The following AATF variants were observed in gnomAD, a reference collection of about 807,000 sequenced individuals.
The protein encoded by AATF is protein AATF.
AATF carries 48 observed loss-of-function variants against 63.7 expected under a neutral mutation model. The observed-to-expected ratio is 0.75, with a 90% CI of 0.60 to 0.96. The LOEUF (loss-of-function observed/expected upper bound fraction) is 0.96. AATF is among the 40% of genes least tolerant of loss of function. The probability of loss-of-function intolerance (pLI) is 0.00; values close to 1 mark genes in which losing one functional copy is unlikely to be tolerated. For synonymous variants in AATF, 258 were observed against 247.7 expected, an observed-to-expected ratio of 1.04 and a Z score of -0.39; for missense variants, 639 against 685.7, an observed-to-expected ratio of 0.93 and a Z score of 0.76.
chr17:37,000,312 C>A (rs2071284359), intron 8 of AATF, among the ~76,000 whole-genome samples: 1 of 152,094 alleles, frequency 6.6e-6, no homozygotes, highest in African/African-American at 2.4e-5. Context: ...CAAGAATGAC[C>A]ATTAAGATTT....
chr17:37,004,239 G>A (rs1044272532), intron 8 of AATF, among the ~76,000 whole-genome samples: 1 of 152,198 alleles, frequency 6.6e-6, no homozygotes, highest in African/African-American at 2.4e-5. Flanking sequence ...GCCGAGGCAG[G>A]AGAATTGCTT....
At chr17:36,949,274 A>G in intron 1 of AATF, 58 bp downstream of exon 1, 1 of 1,496,772 alleles carries the variant, frequency 6.7e-7, no homozygotes, top group South Asian at 1.2e-5. Context: ...CTGTGGGGCA[A>G]GGGGGCGGCG....
chr17:36,993,054 C>T (rs1036601779), intron 8 of AATF, among the ~76,000 whole-genome samples: 1 of 152,212 alleles, frequency 6.6e-6, no homozygotes, highest in Non-Finnish European at 1.5e-5. Flanking sequence ...TTGCCAACAT[C>T]TGGCAGCACA....
chr17:36,957,133 T>G (rs1477973891), intron 4 of AATF, among the ~76,000 whole-genome samples: 3 of 152,240 alleles, frequency 2.0e-5, no homozygotes, highest in Non-Finnish European at 4.4e-5. Context: ...TAAATCTCTT[T>G]TCAATTTGCT....
At chr17:36,990,901 T>C in intron 8 of AATF, 44 bp downstream of exon 8, 1 of 1,387,814 alleles carries the variant, frequency 7.2e-7, no homozygotes, top group Non-Finnish European at 9.8e-7. Flanking sequence ...GTTTTAGCAT[T>C]TTAAAGCAGC....
chr17:37,053,138 T>A (rs1292303908), intron 11 of AATF, among the ~76,000 whole-genome samples: 1 of 152,196 alleles, frequency 6.6e-6, no homozygotes, highest in African/African-American at 2.4e-5. Flanking sequence ...GAATTGATGC[T>A]GAACCCTCCT....
At chr17:37,028,091 C>T (rs2071523783) in intron 10 of AATF, among the ~76,000 whole-genome samples, 1 of 152,032 alleles carries the variant, frequency 6.6e-6, no homozygotes, top group Non-Finnish European at 1.5e-5. Flanking sequence ...ATATACATAC[C>T]TTTCAACTCA....
chr17:37,001,395 A>AGGAGGGAGGGAG (rs71159677), intron 8 of AATF, among the ~76,000 whole-genome samples: 5,820 of 77,190 alleles, frequency 0.075, 549 homozygotes, highest in Non-Finnish European at 0.1. Flanking sequence ...AAGGTATGGG[A>AGGAGGGAGGGAG]GGAGGGAGGG....
intron 10 of AATF, among the ~76,000 whole-genome samples, chr17:37,025,954 A>G (rs951355244): frequency 9.2e-5 from 14 of 152,210 alleles, no homozygotes; most frequent in Non-Finnish European, 1.8e-4. Flanking sequence ...TGGCTTTGCA[A>G]TAATCTAGCA....
chr17:37,023,837 A>C (rs1265886495), intron 10 of AATF, among the ~76,000 whole-genome samples: 1 of 152,028 alleles, frequency 6.6e-6, no homozygotes, highest in East Asian at 1.9e-4. Context: ...ACGCACAAAC[A>C]GCCCCACACC....
chr17:37,031,630 A>G lies in AATF; in HGVS notation c.1564A>G (p.Lys522Glu). ...TTTATTTAGGTTTCATGTCCTTAGC[A>G]AGCTACTGAGTTTCATGGCACCTAT... Reference protein sequence around the residue: ...GRKLRFHVLSKLLSFMAPIDH... With the variant: ...GRKLRFHVLSELLSFMAPIDH... Residue 522 changes from lysine (K) to glutamate (E), a missense_variant, in exon 11 of 12, where the codon AAG (lysine) becomes GAG (glutamate). Lys to Glu is a moderately conservative substitution (Grantham distance 56). Coordinates refer to ENST00000619387, the MANE Select transcript of AATF (RefSeq NM_012138.4). The G allele has an allele frequency of 6.2e-7, 1 of 1,614,146 alleles. No homozygotes were observed.
At chr17:36,984,705 A>G (rs1049376770) in intron 4 of AATF, among the ~76,000 whole-genome samples, 1 of 151,998 alleles carries the variant, frequency 6.6e-6, no homozygotes, top group Non-Finnish European at 1.5e-5. Flanking sequence ...GCATAATTGT[A>G]GTTCACTGTA....
chr17:37,017,740 A>T (rs1356638691), intron 8 of AATF, among the ~76,000 whole-genome samples: 2 of 152,196 alleles, frequency 1.3e-5, no homozygotes. Context: ...ATTGCAATTG[A>T]GATATCCTTT....
intron 8 of AATF, among the ~76,000 whole-genome samples, chr17:37,000,213 G>T (rs1273932333): frequency 6.6e-6 from 1 of 152,164 alleles, no homozygotes; most frequent in Non-Finnish European, 1.5e-5. Context: ...TTGGAAGAGA[G>T]AACTGGTTGG....
intron 10 of AATF, among the ~76,000 whole-genome samples, chr17:37,028,284 G>T (rs2071525580): frequency 6.6e-6 from 1 of 152,026 alleles, no homozygotes; most frequent in South Asian, 2.1e-4. Flanking sequence ...CAGGCATGGT[G>T]GCGCACACCT....
chr17:37,042,326 T>G (rs758111528), intron 11 of AATF, among the ~76,000 whole-genome samples: 4 of 152,028 alleles, frequency 2.6e-5, no homozygotes, highest in Non-Finnish European at 5.9e-5. Context: ...TTTAATCTAC[T>G]TGGGAGCATT....
chr17:37,039,065 C>T (rs535128899), intron 11 of AATF, among the ~76,000 whole-genome samples: 29 of 152,118 alleles, frequency 1.9e-4, no homozygotes, highest in Admixed American at 3.3e-4. Flanking sequence ...TATTCTTTTC[C>T]CCCAGTTGGT....
At chr17:36,979,884 AG>A (rs1174519740) in intron 4 of AATF, among the ~76,000 whole-genome samples, 2 of 152,200 alleles carry the variant, frequency 1.3e-5, no homozygotes, top group Non-Finnish European at 2.9e-5. Flanking sequence ...AATGGTTTTT[AG>A]ATTGGTGACA....
chr17:37,013,631 T>C (rs543236706), intron 8 of AATF, among the ~76,000 whole-genome samples: 49 of 151,860 alleles, frequency 3.2e-4, no homozygotes, highest in Middle Eastern at 6.8e-3. Flanking sequence ...GAGGACTTCA[T>C]CTATGCATGA....
Sources: allele counts gnomAD v4.1 joint callset (sites outside exome capture counted in the v4.1 genomes callset), GRCh38; gene constraint gnomAD v4.1.1; transcripts MANE v1.5; gene names NCBI Gene and HGNC (gene_info 2026-07-23, HGNC 2026-07-21).